Variants in MAGI1 observed in about 807,000 individuals in gnomAD.
MAGI1 encodes the protein membrane associated guanylate kinase, WW and PDZ domain containing 1.
A neutral mutation model predicts 139.9 loss-of-function variants in MAGI1; 58 were observed. The observed-to-expected ratio is 0.41, with a 90% CI of 0.34 to 0.52. The LOEUF is 0.52. MAGI1 is among the 20% of genes least tolerant of loss of function. MAGI1 has a pLI of 0.12. For synonymous variants in MAGI1, 812 were observed against 737.9 expected (o/e 1.10, Z -1.63); for missense variants, 1,874 against 1,901.6 (o/e 0.99, Z 0.27).
intron 20 of MAGI1, 24 bp downstream of exon 20, chr3:65,364,641 A>G: frequency 6.2e-7 from 1 of 1,605,836 alleles, no homozygotes; most frequent in Non-Finnish European, 8.5e-7. Flanking sequence ...CAAAGTATAG[A>G]GAAAAAAGAG....
At chr3:65,486,286 T>A (rs1417152107) in intron 3 of MAGI1, among the ~76,000 whole-genome samples, 1 of 152,192 alleles carries the variant, frequency 6.6e-6, no homozygotes, top group African/African-American at 2.4e-5. Flanking sequence ...GGCACTGCAC[T>A]TCTATGCTGA....
chr3:65,882,071 T>C (rs2060351285), intron 1 of MAGI1, among the ~76,000 whole-genome samples: 1 of 152,230 alleles, frequency 6.6e-6, no homozygotes, highest in South Asian at 2.1e-4. Flanking sequence ...AATGCAACAA[T>C]AAACATTCTA....
intron 4 of MAGI1, among the ~76,000 whole-genome samples, chr3:65,474,368 A>C (rs1188755046): frequency 6.6e-6 from 1 of 152,216 alleles, no homozygotes; most frequent in African/African-American, 2.4e-5. Context: ...GACAGGTAGA[A>C]TGGAATACTG....
In MAGI1 at chr3:65,698,933, A is replaced by T. The variant is rs1453109700; in HGVS notation, c.314-76845T>A. 1.9e-4 allele frequency among the ~76,000 whole-genome samples: 25 copies of T among 134,324 alleles called. No individual in the cohort carries two copies. The South Asian group carries it at 5.4e-3, about 29-fold the overall frequency. The allele number at this position is 134,324 out of a possible 152,430, so 88.1% of individuals were successfully genotyped here. ...GCAAAAGAAACTACCATCAGAGTGAACAGGCAACCTACAAAATGGGAGAAA... is the reference window on the plus strand; with the variant it reads ...GCAAAAGAAACTACCATCAGAGTGATCAGGCAACCTACAAAATGGGAGAAA... On this transcript the variant is annotated intron_variant, in intron 1 of 22. Coordinates refer to ENST00000402939, the MANE Select transcript of MAGI1 (RefSeq NM_001033057.2).
intron 6 of MAGI1, among the ~76,000 whole-genome samples, chr3:65,449,465 G>C (rs1449628781): frequency 1.3e-5 from 2 of 152,054 alleles, no homozygotes; most frequent in African/African-American, 4.8e-5. Context: ...ACTGTGCTAG[G>C]TGACATATCA....
chr3:65,810,071 T>C (rs970983424), intron 1 of MAGI1, among the ~76,000 whole-genome samples: 12 of 152,202 alleles, frequency 7.9e-5, no homozygotes, highest in African/African-American at 2.7e-4. Flanking sequence ...CAAAGTATCA[T>C]GGTTTCAAGT....
chr3:65,693,178 C>G (rs986633636), intron 1 of MAGI1, among the ~76,000 whole-genome samples: 1 of 152,148 alleles, frequency 6.6e-6, no homozygotes, highest in Non-Finnish European at 1.5e-5. Context: ...CTCCCATGTT[C>G]AACCAATCCT....
intron 5 of MAGI1, among the ~76,000 whole-genome samples, chr3:65,465,253 A>C (rs1950093826): frequency 6.6e-6 from 1 of 151,456 alleles, no homozygotes. Context: ...GGAAAAAAGA[A>C]AACTCAAAAG....
intron 2 of MAGI1, among the ~76,000 whole-genome samples, chr3:65,614,985 G>A (rs544246540): frequency 6.6e-6 from 1 of 150,650 alleles, no homozygotes; most frequent in East Asian, 2.0e-4. Context: ...TCATGCCACT[G>A]TACCCCAGCC....
At chr3:66,008,065 T>C (rs763680360) in intron 1 of MAGI1, among the ~76,000 whole-genome samples, 33 of 151,850 alleles carry the variant, frequency 2.2e-4, no homozygotes, top group Non-Finnish European at 4.3e-4. Context: ...CCCAGCTAAT[T>C]TGTGTATTTT....
intron 1 of MAGI1, among the ~76,000 whole-genome samples, chr3:65,656,182 A>C (rs1400951678): frequency 1.3e-5 from 2 of 152,146 alleles, no homozygotes; most frequent in Admixed American, 1.3e-4. Context: ...AATTCCCTCG[A>C]TATCACCAAG....
At chr3:65,412,971 C>T (rs1188598844) in intron 12 of MAGI1, among the ~76,000 whole-genome samples, 2 of 152,172 alleles carry the variant, frequency 1.3e-5, no homozygotes, top group African/African-American at 4.8e-5. Flanking sequence ...TCTAAATCTT[C>T]AGGTAAGGAT....
intron 1 of MAGI1, among the ~76,000 whole-genome samples, chr3:65,992,848 T>C (rs921760130): frequency 1.3e-5 from 2 of 152,038 alleles, no homozygotes; most frequent in African/African-American, 2.4e-5. Flanking sequence ...GTTGTTATTG[T>C]AGGGTTTCAC....
intron 2 of MAGI1, among the ~76,000 whole-genome samples, chr3:65,555,149 A>G (rs980499427): frequency 6.6e-6 from 1 of 152,216 alleles, no homozygotes; most frequent in Non-Finnish European, 1.5e-5. Context: ...TCGAAATTAA[A>G]AGGTTTTTTT....
intron 12 of MAGI1, among the ~76,000 whole-genome samples, chr3:65,408,991 G>A (rs1421030406): frequency 2.0e-5 from 3 of 152,158 alleles, no homozygotes; most frequent in Non-Finnish European, 4.4e-5. Flanking sequence ...TGAAAATGAC[G>A]CAGGACAATG....
chr3:65,816,801 T>C (rs960673025), intron 1 of MAGI1, among the ~76,000 whole-genome samples: 1 of 152,170 alleles, frequency 6.6e-6, no homozygotes, highest in Non-Finnish European at 1.5e-5. Context: ...ATCACCGTAA[T>C]GCAGAGGAAA....
chr3:65,375,476 C>T (rs747119306), intron 18 of MAGI1, among the ~76,000 whole-genome samples: 6 of 152,136 alleles, frequency 3.9e-5, no homozygotes, highest in African/African-American at 1.2e-4. Flanking sequence ...CGTGAGCCAC[C>T]GCACCCGGCC....
At chr3:65,851,603 G>C (rs1359217321) in intron 1 of MAGI1, among the ~76,000 whole-genome samples, 1 of 152,086 alleles carries the variant, frequency 6.6e-6, no homozygotes, top group Non-Finnish European at 1.5e-5. Flanking sequence ...ACAAAAATTA[G>C]CCAGGCGTGG....
chr3:65,633,944 A>G (rs1377226953), intron 1 of MAGI1, among the ~76,000 whole-genome samples: 1 of 152,204 alleles, frequency 6.6e-6, no homozygotes, highest in Non-Finnish European at 1.5e-5. Flanking sequence ...GAATATTCTA[A>G]ATTCTTGAAA....
Sources: allele counts gnomAD v4.1 joint callset (sites outside exome capture counted in the v4.1 genomes callset), GRCh38; gene constraint gnomAD v4.1.1; transcripts MANE v1.5; gene names NCBI Gene and HGNC (gene_info 2026-07-23, HGNC 2026-07-21).